CUX1: variants seen among roughly 807,000 people sequenced by gnomAD.
CUX1 encodes protein CASP.
In CUX1, 31 loss-of-function variants were observed where a neutral mutation model predicts 158.8. That is an observed-to-expected ratio of 0.20 (90% CI 0.15 to 0.26). The LOEUF (loss-of-function observed/expected upper bound fraction) is 0.26. Among genes scored for constraint, CUX1 ranks in the 10% least tolerant of loss-of-function variants. The pLI, the probability that CUX1 is intolerant of heterozygous loss-of-function variation, is 1.00. For missense variants in CUX1, 1,589 were observed against 2,014.6 expected (o/e 0.79, Z 4.04); for synonymous variants, 879 against 862.1 (o/e 1.02, Z -0.34).
intron 1 of CUX1, chr7:101,824,608 C>G (rs1037216421): frequency 1.3e-5 from 2 of 152,216 alleles, no homozygotes; most frequent in East Asian, 3.9e-4. Context: ...AGGGAAGGGC[C>G]GGCTTGGAGC....
chr7:101,824,490 A>G (rs1793035855), intron 1 of CUX1: 1 of 152,226 alleles, frequency 6.6e-6, no homozygotes, highest in Non-Finnish European at 1.5e-5. Context: ...AGAAATGATT[A>G]TTTAGATAAA....
chr7:102,033,543 A>T (rs1821042987), intron 3 of CUX1, among the ~76,000 whole-genome samples: 2 of 152,242 alleles, frequency 1.3e-5, no homozygotes, highest in Admixed American at 1.3e-4. Flanking sequence ...GATAAAGGGA[A>T]TGTTATAAGC....
chr7:101,846,594 C>T lies in CUX1; in HGVS notation c.30+28925C>T, dbSNP rs572394520. Among the ~76,000 whole-genome samples the T allele has an allele frequency of 9.2e-5, 14 of 152,216 alleles. 1 individual carries two copies. Among genetic ancestry groups the T allele is most frequent in the African/African-American group, 3.4e-4 (14 of 41,536 alleles). ...TCTCCCACCTCAGCTTCCCAAAGTG[C>T]TAGGATTGCCAGCGGGAGCCACCCT... is the stretch of plus-strand genomic sequence containing the variant. On this transcript the variant is annotated intron_variant, in intron 1 of 23. Coordinates refer to ENST00000292535, the MANE Select transcript of CUX1 (RefSeq NM_181552.4).
chr7:102,128,973 C>CA (rs576369628), intron 8 of CUX1, among the ~76,000 whole-genome samples: 3,685 of 146,622 alleles, frequency 0.025, 55 homozygotes, highest in African/African-American at 0.029. Context: ...GACTCTGTTT[C>CA]AAAAAAAAAA....
chr7:102,263,530 G>A (rs1790570187), intron 14 of CUX1, among the ~76,000 whole-genome samples: 1 of 151,834 alleles, frequency 6.6e-6, no homozygotes, highest in South Asian at 2.1e-4. Context: ...TGTCCATTCT[G>A]GTCTCGAACT....
intron 1 of CUX1, among the ~76,000 whole-genome samples, chr7:101,889,513 G>A (rs1328300235): frequency 6.6e-6 from 1 of 152,152 alleles, no homozygotes; most frequent in East Asian, 1.9e-4. Flanking sequence ...GTTCACACCT[G>A]TCATCCCAAC....
rs115713471 is a variant in CUX1, at chr7:101,938,340, C to G, written c.141+22115C>G. ...GGTTGGTCTCTCAAACTCTGGGGCT[C>G]AAATGATCTTCCTGTGTCAGCCTCC... is the stretch of plus-strand genomic sequence containing the variant. On this transcript the variant is annotated intron_variant, in intron 2 of 23. Transcript: ENST00000292535. Among the ~76,000 whole-genome samples the G allele has an allele frequency of 6.7e-3, 1,014 of 152,100 alleles. 14 individuals are homozygous for G. Among genetic ancestry groups the G allele is most frequent in the African/African-American group, 0.023 (971 of 41,506 alleles).
At chr7:102,207,990 C>T (rs1157825521) in intron 20 of CUX1, among the ~76,000 whole-genome samples, 1 of 152,004 alleles carries the variant, frequency 6.6e-6, no homozygotes, top group African/African-American at 2.4e-5. Context: ...GAGTTCGAGA[C>T]CAGCCTGGGC....
At chr7:101,827,244 C>CCTTCTCTTCTCTTCTCTTTT (rs1793414379) in intron 1 of CUX1, among the ~76,000 whole-genome samples, 1 of 129,676 alleles carries the variant, frequency 7.7e-6, no homozygotes. Flanking sequence ...CCCCTCCCCT[C>CCTTCTCTTCTCTTCTCTTTT]CTTCTCTTCT....
rs569147743 is a variant in CUX1 at position 101,824,237 on chromosome 7, CA to C, written c.30+6569del. The C allele has an allele frequency of 3.3e-4, 51 of 152,338 alleles. 1 individual carries two copies. The South Asian group carries it at 9.5e-3, about 28-fold the overall frequency. 9.4% of individuals were successfully genotyped at this position (152,338 alleles called of 1,614,324 possible). On this transcript the variant is annotated intron_variant, in intron 1 of 23. Transcript: ENST00000292535. ...CCGAGTAGCTGTGATTACAGGTGTGCACCACCACGCCCAGCTAATTTTTGTG... is the reference window on the plus strand; with the variant it reads ...CCGAGTAGCTGTGATTACAGGTGTGCCCACCACGCCCAGCTAATTTTTGTG...
intron 1 of CUX1, among the ~76,000 whole-genome samples, chr7:101,857,223 A>C (rs1796949820): frequency 6.6e-6 from 1 of 151,778 alleles, no homozygotes; most frequent in Non-Finnish European, 1.5e-5. Context: ...GCTGTGCTTG[A>C]CTCTGAAACC....
intron 6 of CUX1, among the ~76,000 whole-genome samples, chr7:102,108,420 A>G (rs1210184744): frequency 6.6e-6 from 1 of 152,112 alleles, no homozygotes; most frequent in Non-Finnish European, 1.5e-5. Flanking sequence ...ATCTCAGCTC[A>G]CTGCAACCCT....
At chr7:101,823,281 G>A (rs1216222779) in intron 1 of CUX1, among the ~76,000 whole-genome samples, 2 of 152,124 alleles carry the variant, frequency 1.3e-5, no homozygotes, top group Admixed American at 6.5e-5. Flanking sequence ...TGACTGGAAC[G>A]GAGCCAAGGA....
At chr7:101,851,591 A>G (rs73712570) in intron 1 of CUX1, among the ~76,000 whole-genome samples, 1,547 of 152,292 alleles carry the variant, frequency 0.01, 30 homozygotes, top group African/African-American at 0.035. Flanking sequence ...AGAATGGGAA[A>G]GATTTGGCTC....
chr7:102,087,483 G>A (rs1828065600), intron 4 of CUX1, among the ~76,000 whole-genome samples: 1 of 152,146 alleles, frequency 6.6e-6, no homozygotes, highest in African/African-American at 2.4e-5. Context: ...AGGAGGCTGA[G>A]GCAGGAAAAT....
chr7:102,251,552 A>G lies in CUX1; in HGVS notation c.*2510A>G. On this transcript the variant is annotated 3_prime_UTR_variant, in exon 24 of 24. Coordinates refer to ENST00000292535, the MANE Select transcript of CUX1 (RefSeq NM_181552.4). ...TCTTTTGTTGGGGGTATCATTTCTGAACTTGAAATCCAGTTCAGGGAGAAG... is the reference window on the plus strand; with the variant it reads ...TCTTTTGTTGGGGGTATCATTTCTGGACTTGAAATCCAGTTCAGGGAGAAG... 3.0e-6 allele frequency: 3 copies of G among 985,430 alleles called. No individual in the cohort carries two copies. The highest frequency in any genetic ancestry group is 3.6e-6 in the Non-Finnish European group (3 of 829,932). 61.0% of individuals were successfully genotyped at this position (985,430 alleles called of 1,614,324 possible). A position where few individuals can be genotyped will look rare whatever the true frequency, so the allele number is the denominator to read the frequency against.
rs562330503 is a variant in CUX1 at position 102,041,875 on chromosome 7, G to T, written c.189+13730G>T. On this transcript the variant is annotated intron_variant, in intron 3 of 23. Coordinates refer to ENST00000292535, the MANE Select transcript of CUX1 (RefSeq NM_181552.4). ...GTAGAGACGGGATTTTGCCATGTTG[G>T]CCAGGCTGGTGTCAAACTCCTAGCT... Among the ~76,000 whole-genome samples the T allele has an allele frequency of 1.5e-3, 228 of 152,108 alleles. 2 individuals are homozygous for T. Among genetic ancestry groups the T allele is most frequent in the Middle Eastern group, 0.01 (3 of 294 alleles).
At chr7:102,092,098 A>T (rs1017467986) in intron 4 of CUX1, among the ~76,000 whole-genome samples, 1 of 152,176 alleles carries the variant, frequency 6.6e-6, no homozygotes, top group Non-Finnish European at 1.5e-5. Context: ...CCAAAATCTG[A>T]CCATTGGCTC....
chr7:101,880,706 A>G lies in CUX1; in HGVS notation c.31-35409A>G, dbSNP rs142998165. On this transcript the variant is annotated intron_variant, in intron 1 of 23. Transcript: ENST00000292535. Reference sequence around the variant, plus strand: ...TATAAAAGCAGATTAAATCATTTTTATGCATCCTGGGTTTTTTGGTGTCAC... The same window carrying G: ...TATAAAAGCAGATTAAATCATTTTTGTGCATCCTGGGTTTTTTGGTGTCAC... Among the ~76,000 whole-genome samples, 15 of 152,364 alleles carry G rather than the reference A, an allele frequency of 9.8e-5. No individual in the cohort carries two copies. The East Asian group carries it at 2.9e-3, about 29-fold the overall frequency.
Sources: gnomAD v4.1 joint callset for allele counts (sites outside exome capture counted in the v4.1 genomes callset) on GRCh38, gnomAD v4.1.1 for gene constraint, MANE v1.5 for transcripts, NCBI Gene and HGNC (gene_info 2026-07-23, HGNC 2026-07-21) for gene names.